The following ACSS3 variants were observed in gnomAD, a reference collection of about 807,000 sequenced individuals.
ACSS3 encodes the protein acyl-CoA synthetase short chain family member 3.
A neutral mutation model predicts 84.2 loss-of-function variants in ACSS3; 64 were observed. That is an observed-to-expected ratio of 0.76 (90% CI 0.62 to 0.94). The LOEUF is 0.94. Ranked by LOEUF, ACSS3 falls within the 40% of genes least tolerant of loss-of-function variation. ACSS3 has a pLI of 0.00. For missense variants in ACSS3, 815 were observed against 867.6 expected (o/e 0.94, Z 0.76); for synonymous variants, 317 against 310.1 (o/e 1.02, Z -0.23).
At chr12:81,131,178 C>T (rs938220453) in intron 2 of ACSS3, among the ~76,000 whole-genome samples, 1 of 152,076 alleles carries the variant, frequency 6.6e-6, no homozygotes, top group African/African-American at 2.4e-5. Flanking sequence ...TCATTGGTAG[C>T]TTTATGGGGA....
At chr12:81,217,869 A>T (rs1339126683) in intron 10 of ACSS3, among the ~76,000 whole-genome samples, 1 of 152,052 alleles carries the variant, frequency 6.6e-6, no homozygotes, top group Admixed American at 6.6e-5. Context: ...AAAAATAAAA[A>T]TAAAAACAAA....
At chr12:81,189,834 C>T (rs1264532775) in intron 8 of ACSS3, among the ~76,000 whole-genome samples, 1 of 151,992 alleles carries the variant, frequency 6.6e-6, no homozygotes, top group East Asian at 1.9e-4. Context: ...TATAATCTAC[C>T]TGGAATAGAT....
chr12:81,242,694 C>G, intron 13 of ACSS3, among the ~76,000 whole-genome samples: 1 of 125,750 alleles, frequency 8.0e-6, no homozygotes, highest in Non-Finnish European at 1.9e-5. Flanking sequence ...GGATGCAAGG[C>G]TGGTTCAATA....
chr12:81,094,677 TG>T (rs1214371281), intron 1 of ACSS3: 2 of 152,180 alleles, frequency 1.3e-5, no homozygotes, highest in Admixed American at 6.5e-5. Context: ...GAGCCTCGAC[TG>T]TAGAGGAGCA....
chr12:81,133,445 C>G (rs904898332), intron 2 of ACSS3, among the ~76,000 whole-genome samples: 2 of 152,132 alleles, frequency 1.3e-5, no homozygotes, highest in African/African-American at 4.8e-5. Flanking sequence ...TGTTTCTTCT[C>G]CAGGCCCCTG....
intron 5 of ACSS3, among the ~76,000 whole-genome samples, chr12:81,144,890 TTTTTTTTCTTTTC>T (rs1296949553): frequency 1.2e-4 from 16 of 132,124 alleles, no homozygotes; most frequent in Admixed American, 5.8e-4. Flanking sequence ...CCAGGTTTTC[TTTTTTTTCTTTTC>T]TTTTTTTTTT....
intron 1 of ACSS3, among the ~76,000 whole-genome samples, chr12:81,086,684 A>G (rs976765968): frequency 5.3e-5 from 8 of 152,192 alleles, no homozygotes; most frequent in Non-Finnish European, 1.2e-4. Flanking sequence ...TGAAAGGACA[A>G]AAAAAATCCA....
chr12:81,216,990 T>A lies in ACSS3; in HGVS notation c.1444T>A (p.Tyr482Asn), dbSNP rs749022220. 5.6e-6 allele frequency: 9 copies of A among 1,608,380 alleles called. No homozygotes were observed. ...PGQAGKSVPG[Y>N]NVMILDDNMQ... ...GCAAGCAGGAAAAAGCGTCCCAGGA[T>A]ACAATGGTAAGGAATGACCCTGATA... is the stretch of plus-strand genomic sequence containing the variant. The change falls in exon 10 of 16, where the codon TAC (tyrosine) becomes AAC (asparagine). Residue 482 changes from tyrosine to asparagine, a missense_variant. Coordinates refer to ENST00000548058, the MANE Select transcript of ACSS3 (RefSeq NM_024560.4).
At chr12:81,138,005 CCT>C (rs1213929405) in intron 3 of ACSS3, among the ~76,000 whole-genome samples, 1 of 152,028 alleles carries the variant, frequency 6.6e-6, no homozygotes, top group Non-Finnish European at 1.5e-5. Context: ...TTGCACTGAG[CCT>C]CTGTTCCATG....
intron 8 of ACSS3, among the ~76,000 whole-genome samples, chr12:81,178,734 A>T (rs2030683772): frequency 6.6e-6 from 1 of 152,214 alleles, no homozygotes; most frequent in Non-Finnish European, 1.5e-5. Flanking sequence ...AGCAATTTAC[A>T]GATTAAATGA....
At chr12:81,125,216 AAAAAAAAAAC>A (rs930627177) in intron 2 of ACSS3, among the ~76,000 whole-genome samples, 16 of 97,566 alleles carry the variant, frequency 1.6e-4, no homozygotes, top group African/African-American at 3.3e-4. Flanking sequence ...TTCGTCTCAA[AAAAAAAAAAC>A]AAAACAAAAC....
chr12:81,253,257 C>A, intron 13 of ACSS3, 50 bp from the exon 14 acceptor site: 1 of 1,497,484 alleles, frequency 6.7e-7, no homozygotes, highest in Non-Finnish European at 9.3e-7. Flanking sequence ...GTTGAATATA[C>A]ATATATGGTA....
In ACSS3 at chr12:81,078,381, C is replaced by T. The variant is rs555649704; in HGVS notation, c.261C>T (p.Tyr87=). 41 of 1,612,664 alleles carry T rather than the reference C, an allele frequency of 2.5e-5. No individual in the cohort carries two copies. The highest frequency in any genetic ancestry group is 3.4e-5 in the Non-Finnish European group (40 of 1,179,998). Residue 87 remains tyrosine, a synonymous_variant, in exon 1 of 16, where the codon TAC becomes TAT. Coordinates refer to ENST00000548058, the MANE Select transcript of ACSS3 (RefSeq NM_024560.4). The stretch of plus-strand genomic sequence containing the variant: ...AAGCTGCCGAGCAGATCAGCTGGTA[C>T]AAGCCCTGGACCAAAACGCTGGAGA... The part of the protein sequence containing the change: ...WGKAAEQISW[Y]KPWTKTLENK...
In ACSS3 at chr12:81,143,205, A is replaced by T. The variant is rs1271298561; in HGVS notation, c.879A>T (p.Pro293=). The change falls in exon 5 of 16, where the codon CCA becomes CCT. Residue 293 remains proline (P), a synonymous_variant. Coordinates refer to ENST00000548058, the MANE Select transcript of ACSS3 (RefSeq NM_024560.4). ...HDCVPVLSEH[P]LYILYTSGTT... The stretch of plus-strand genomic sequence containing the variant: ...GTGTTCCTGTTCTTTCAGAACACCC[A>T]CTGTATATTCTTTACACATCTGGCA... 6.2e-7 allele frequency: 1 copy of T among 1,613,408 alleles called. No individual in the cohort carries two copies.
At chr12:81,079,224 T>G (rs1332768433) in intron 1 of ACSS3, among the ~76,000 whole-genome samples, 1 of 152,180 alleles carries the variant, frequency 6.6e-6, no homozygotes, top group African/African-American at 2.4e-5. Flanking sequence ...TGATTTTTTT[T>G]GCGTTACAAC....
At chr12:81,149,435 TG>T (rs1886503648) in intron 5 of ACSS3, among the ~76,000 whole-genome samples, 1 of 152,188 alleles carries the variant, frequency 6.6e-6, no homozygotes, top group South Asian at 2.1e-4. Context: ...TCTCTTGAAA[TG>T]TAACCTTCGT....
chr12:81,109,854 A>T, intron 2 of ACSS3, 150 bp downstream of exon 2: 2 of 658,508 alleles, frequency 3.0e-6, no homozygotes, highest in Non-Finnish European at 2.4e-6. Flanking sequence ...ATGAATACAG[A>T]TGTGTTAACT....
intron 7 of ACSS3, chr12:81,174,552 T>C (rs1454047333): frequency 2.8e-6 from 1 of 361,034 alleles, no homozygotes; most frequent in East Asian, 4.2e-5. Flanking sequence ...CAAAACTTGA[T>C]GAAGAAAAAA....
rs2035054452 is a variant in ACSS3 at position 81,260,483 on chromosome 12, AT to A, written c.*5562del. The A allele has an allele frequency of 6.6e-6, 1 of 152,192 alleles. No homozygotes were observed. Among genetic ancestry groups the A allele is most frequent in the South Asian group, 2.1e-4 (1 of 4,832 alleles). The allele number at this position is 152,192 out of a possible 1,614,324, so 9.4% of individuals were successfully genotyped here. Reference sequence around the variant, plus strand: ...ATTATAATGCTATGTGTAGAATCTAATATAAACAGTATTTTGGGAGACCTCT... The same window carrying A: ...ATTATAATGCTATGTGTAGAATCTAAATAAACAGTATTTTGGGAGACCTCT... On this transcript the variant is annotated 3_prime_UTR_variant, in exon 16 of 16. Transcript: ENST00000548058.
Sources: allele counts gnomAD v4.1 joint callset (sites outside exome capture counted in the v4.1 genomes callset), GRCh38; gene constraint gnomAD v4.1.1; transcripts MANE v1.5; gene names NCBI Gene and HGNC (gene_info 2026-07-23, HGNC 2026-07-21).